The following CSMD2 variants were observed in gnomAD, a reference collection of about 807,000 sequenced individuals.
CSMD2 encodes CUB and sushi domain-containing protein 2.
CSMD2 carries 130 observed loss-of-function variants against 398.5 expected under a neutral mutation model. The observed-to-expected ratio is 0.33, with a 90% CI of 0.28 to 0.38. The LOEUF (loss-of-function observed/expected upper bound fraction) is 0.38, where lower values mean the gene tolerates loss of function less well. Among genes scored for constraint, CSMD2 ranks in the 10% least tolerant of loss-of-function variants. The pLI is 1.00. For synonymous variants in CSMD2, 1,828 were observed against 1,908.5 expected (o/e 0.96, Z 1.10); for missense variants, 3,829 against 4,764.9 (o/e 0.80, Z 5.78).
intron 23 of CSMD2, among the ~76,000 whole-genome samples, chr1:33,699,474 C>A (rs1382095723): frequency 1.3e-5 from 2 of 152,168 alleles, no homozygotes; most frequent in Non-Finnish European, 2.9e-5. Context: ...CTGCATTTTA[C>A]AACGGAGAGC....
chr1:33,785,591 T>A (rs527924395), intron 12 of CSMD2, among the ~76,000 whole-genome samples: 8 of 152,312 alleles, frequency 5.3e-5, no homozygotes, highest in African/African-American at 1.7e-4. Context: ...AGTGGTTAGC[T>A]ATGAATCCTC....
chr1:33,667,827 C>A (rs1052991245), intron 25 of CSMD2, among the ~76,000 whole-genome samples: 2 of 152,138 alleles, frequency 1.3e-5, no homozygotes, highest in African/African-American at 4.8e-5. Context: ...AAAGTTCAAG[C>A]CCCTTTCGGC....
chr1:33,561,728 A>T (rs1299553959), intron 53 of CSMD2, among the ~76,000 whole-genome samples: 11 of 152,060 alleles, frequency 7.2e-5, no homozygotes, highest in Admixed American at 5.2e-4. Flanking sequence ...TCCCACAGGG[A>T]GTGGCATGAG....
intron 3 of CSMD2, among the ~76,000 whole-genome samples, chr1:33,958,996 C>T (rs1280599657): frequency 1.3e-5 from 2 of 152,180 alleles, no homozygotes; most frequent in Admixed American, 1.3e-4. Context: ...CTATTTATCT[C>T]GACTCCCTGC....
intron 3 of CSMD2, among the ~76,000 whole-genome samples, chr1:33,952,705 C>CA (rs1449025701): frequency 1.5e-5 from 2 of 136,866 alleles, no homozygotes; most frequent in Admixed American, 1.4e-4. Context: ...CACACACATG[C>CA]ACACACACAA....
intron 10 of CSMD2, among the ~76,000 whole-genome samples, chr1:33,802,551 C>T (rs1030382905): frequency 3.3e-5 from 5 of 152,158 alleles, no homozygotes; most frequent in African/African-American, 1.2e-4. Flanking sequence ...TTGCCAAGCC[C>T]AGGTAGCAGA....
intron 2 of CSMD2, among the ~76,000 whole-genome samples, chr1:34,061,925 C>T (rs1169107953): frequency 1.3e-5 from 2 of 152,112 alleles, no homozygotes; most frequent in Non-Finnish European, 2.9e-5. Context: ...TCTTCCTTTT[C>T]CAAATGAGGC....
intron 1 of CSMD2, among the ~76,000 whole-genome samples, chr1:34,119,365 G>T (rs905363528): frequency 1.3e-5 from 2 of 152,124 alleles, no homozygotes; most frequent in African/African-American, 4.8e-5. Flanking sequence ...ATTTGGCAAA[G>T]ATTTCTTGGA....
intron 53 of CSMD2, among the ~76,000 whole-genome samples, chr1:33,566,356 ATAT>A (rs1659059206): frequency 6.6e-6 from 1 of 152,010 alleles, no homozygotes; most frequent in African/African-American, 2.4e-5. Flanking sequence ...AATTAAACTA[ATAT>A]TATAATTCCA....
chr1:33,753,710 G>A (rs1019731434), intron 13 of CSMD2, among the ~76,000 whole-genome samples: 12 of 152,250 alleles, frequency 7.9e-5, no homozygotes, highest in African/African-American at 2.7e-4. Context: ...CACAAGGACT[G>A]CACTCTGCAA....
chr1:33,991,755 A>G (rs1232754792), intron 3 of CSMD2, among the ~76,000 whole-genome samples: 1 of 152,242 alleles, frequency 6.6e-6, no homozygotes, highest in East Asian at 1.9e-4. Flanking sequence ...CTCTGACTCA[A>G]TAAAATAGGC....
intron 5 of CSMD2, among the ~76,000 whole-genome samples, chr1:33,915,963 C>T (rs1456196887): frequency 6.6e-6 from 1 of 152,128 alleles, no homozygotes; most frequent in African/African-American, 2.4e-5. Context: ...CCTCTCTGGG[C>T]CTCATTTTCC....
chr1:33,887,656 G>C (rs1237942926), intron 5 of CSMD2, among the ~76,000 whole-genome samples: 1 of 152,116 alleles, frequency 6.6e-6, no homozygotes, highest in East Asian at 1.9e-4. Flanking sequence ...TTATTGATCT[G>C]TAATATAGAA....
chr1:33,797,518 G>C (rs1052783268), intron 10 of CSMD2, among the ~76,000 whole-genome samples: 22 of 152,124 alleles, frequency 1.4e-4, no homozygotes, highest in African/African-American at 5.3e-4. Context: ...GGTAGAGCTG[G>C]GACTCCCACC....
chr1:34,105,209 C>T (rs1660413662), intron 1 of CSMD2, among the ~76,000 whole-genome samples: 1 of 152,140 alleles, frequency 6.6e-6, no homozygotes, highest in African/African-American at 2.4e-5. Context: ...GTTTCTCAAC[C>T]TCAACACTAT....
chr1:33,949,755 A>G (rs1337865901), intron 3 of CSMD2, among the ~76,000 whole-genome samples: 1 of 152,194 alleles, frequency 6.6e-6, no homozygotes, highest in East Asian at 1.9e-4. Flanking sequence ...CCAAGAGTAC[A>G]GAAGCCCCCA....
intron 41 of CSMD2, chr1:33,605,795 T>C: frequency 7.9e-7 from 1 of 1,268,290 alleles, no homozygotes. Context: ...ATTGAACCTC[T>C]ATTCACTGAG....
chr1:33,617,179 G>A (rs1641448571), intron 38 of CSMD2, among the ~76,000 whole-genome samples: 1 of 152,204 alleles, frequency 6.6e-6, no homozygotes, highest in African/African-American at 2.4e-5. Flanking sequence ...GATTACTAAA[G>A]AATTCTCATT....
At chr1:34,062,156 G>A (rs750106413) in intron 2 of CSMD2, among the ~76,000 whole-genome samples, 1 of 152,176 alleles carries the variant, frequency 6.6e-6, no homozygotes, top group Admixed American at 6.5e-5. Flanking sequence ...ATCAGCAAGA[G>A]CACATTTTAC....
Sources: gnomAD v4.1 joint callset for allele counts (sites outside exome capture counted in the v4.1 genomes callset) on GRCh38, gnomAD v4.1.1 for gene constraint, MANE v1.5 for transcripts, NCBI Gene and HGNC (gene_info 2026-07-23, HGNC 2026-07-21) for gene names.